The following NBPF20 variants were observed in gnomAD, a reference collection of about 807,000 sequenced individuals.
NBPF20 encodes the protein NBPF member 20.
NBPF20 carries 90 observed loss-of-function variants against 68.1 expected under a neutral mutation model. The observed-to-expected ratio is 1.32, with a 90% CI of 1.11 to 1.58. NBPF20 has a LOEUF of 1.58. Ranked by LOEUF, NBPF20 falls within the 40% of genes most tolerant of loss-of-function variation. The pLI is 0.00. For missense variants in NBPF20, 816 were observed against 601.2 expected (o/e 1.36, Z -3.74); for synonymous variants, 290 against 228.1 (o/e 1.27, Z -2.45).
At chr1:145,403,394 C>T in intron 2 of NBPF20, 76 bp from the exon 8 acceptor site, 1 of 1,143,994 alleles carries the variant, frequency 8.7e-7, no homozygotes, top group Non-Finnish European at 1.3e-6. Context: ...AGGGCAGGAG[C>T]CAGGTCCATC....
At chr1:145,421,813 G>A in the NBPF20 span, among the ~76,000 whole-genome samples, 1 of 152,070 alleles carries the variant, frequency 6.6e-6, no homozygotes, top group African/African-American at 2.4e-5. Context: ...TGCCAAGGTG[G>A]GAGGATCATT....
At chr1:145,404,746 C>T (rs1306638708) in intron 2 of NBPF20, among the ~76,000 whole-genome samples, 1 of 152,042 alleles carries the variant, frequency 6.6e-6, no homozygotes, top group African/African-American at 2.4e-5. Context: ...TAGTCCTAGA[C>T]ATTTAGAACA....
intron 7 of NBPF20, among the ~76,000 whole-genome samples, chr1:145,395,559 T>G (rs1662187908): frequency 1.3e-5 from 2 of 149,090 alleles, no homozygotes; most frequent in Admixed American, 1.3e-4. Flanking sequence ...TTCCCAATAT[T>G]TTGATATAAT....
At chr1:145,394,090 T>C (rs1397727700) in intron 8 of NBPF20, among the ~76,000 whole-genome samples, 155 bp from the exon 14 acceptor site, 4 of 151,954 alleles carry the variant, frequency 2.6e-5, no homozygotes, top group African/African-American at 7.3e-5. Flanking sequence ...TGAGGTCAAG[T>C]CTTGAGAAAA....
At chr1:145,377,921 T>G (rs1231765034) in intron 29 of NBPF20, 122 bp downstream of exon 34, 2 of 384,210 alleles carry the variant, frequency 5.2e-6, no homozygotes, top group Admixed American at 5.4e-5. Context: ...CCAACAGCAA[T>G]GTCAGGAGGA....
At chr1:145,393,079 A>C (rs1218337672) in exon 10 of NBPF20, 1 of 568,454 alleles carries the variant, frequency 1.8e-6, no homozygotes. Flanking sequence ...CTCACCATCC[A>C]TGTCAACAGC....
At chr1:145,291,520 G>A (rs782208382) in exon 138 of NBPF20, 26 of 1,611,866 alleles carry the variant, frequency 1.6e-5, no homozygotes, top group East Asian at 2.2e-5. Context: ...GCTTAGTAAG[G>A]GCTGTTTATT....
Position 145,395,058 on chromosome 1 carries a change from A to C in NBPF20, c.911T>G (p.Met304Arg), listed in dbSNP as rs1402776346. 2.4e-3 allele frequency: 3,848 copies of C among 1,611,156 alleles called. 15 individuals carry two copies. In the African/African-American group the frequency reaches 0.043, roughly 18 times the overall value. Residue 304 changes from methionine to arginine, a missense_variant, in exon 8 of 138, where the codon ATG becomes AGG. Physicochemically the swap from Met to Arg is moderately conservative, Grantham distance 91. Transcript: ENST00000369373. ...GCTGTAAGACTGGTACGAGGCCAAC[A>C]TTTCAGGAGGAATTGAGAGAGTCGA...
chr1:145,393,676 A>C, intron 9 of NBPF20: 1 of 1,382,298 alleles, frequency 7.2e-7, no homozygotes, highest in Non-Finnish European at 9.8e-7. Context: ...GTTATGGTCA[A>C]CTTTCACTAG....
exon 138 of NBPF20, chr1:145,291,411 C>T (rs1440330365): frequency 5.0e-6 from 8 of 1,603,800 alleles, no homozygotes; most frequent in East Asian, 2.2e-5. Context: ...ACAGCCATGC[C>T]CACTGACCCA....
chr1:145,406,181 G>C (rs587729237), upstream of NBPF20, among the ~76,000 whole-genome samples: 1 of 147,572 alleles, frequency 6.8e-6, no homozygotes, highest in Non-Finnish European at 1.5e-5. Flanking sequence ...GTGATCTGCC[G>C]CCTCGGCCTC....
chr1:145,410,252 T>A (rs1190269474), upstream of NBPF20, among the ~76,000 whole-genome samples: 3 of 151,954 alleles, frequency 2.0e-5, no homozygotes, highest in Non-Finnish European at 4.4e-5. Flanking sequence ...TTGCACTGAT[T>A]GATCTCCCTG....
intron 7 of NBPF20, among the ~76,000 whole-genome samples, chr1:145,396,642 G>T (rs1321219486): frequency 6.6e-5 from 10 of 151,604 alleles, no homozygotes; most frequent in African/African-American, 2.4e-4. Context: ...CATCAGACTA[G>T]CAGCAGATCT....
chr1:145,425,256 C>G, the NBPF20 span, among the ~76,000 whole-genome samples: 2 of 149,322 alleles, frequency 1.3e-5, no homozygotes, highest in African/African-American at 4.9e-5. Flanking sequence ...CGCCCTCCGT[C>G]GCTCGCAACA....
At chr1:145,416,130 T>C in the NBPF20 span, among the ~76,000 whole-genome samples, 2 of 149,390 alleles carry the variant, frequency 1.3e-5, no homozygotes, top group Non-Finnish European at 3.0e-5. Context: ...TAACTCCATC[T>C]CCAAAAAAAA....
chr1:145,292,009 T>C (rs183551436), intron 137 of NBPF20, among the ~76,000 whole-genome samples: 2 of 149,594 alleles, frequency 1.3e-5, no homozygotes, highest in South Asian at 2.1e-4. Flanking sequence ...AGTGACCTAG[T>C]GAATTGCCCA....
intron 8 of NBPF20, among the ~76,000 whole-genome samples, chr1:145,394,625 G>A (rs1279857764): frequency 2.0e-5 from 3 of 152,150 alleles, no homozygotes; most frequent in Admixed American, 6.5e-5. Flanking sequence ...AAGGAATTTT[G>A]TAGCTGGCAA....
intron 7 of NBPF20, among the ~76,000 whole-genome samples, chr1:145,397,608 C>T (rs1374083076): frequency 1.3e-5 from 2 of 152,236 alleles, no homozygotes; most frequent in East Asian, 1.9e-4. Flanking sequence ...AAGGAACAAC[C>T]GGTACCAGCC....
chr1:145,352,301 A>T (rs2101485173), intron 61 of NBPF20, among the ~76,000 whole-genome samples: 2 of 90,852 alleles, frequency 2.2e-5, no homozygotes, highest in Non-Finnish European at 4.8e-5. Context: ...ACACACACAC[A>T]CACACACACA....
Sources: gnomAD v4.1 joint callset for allele counts (sites outside exome capture counted in the v4.1 genomes callset) on GRCh38, gnomAD v4.1.1 for gene constraint, MANE v1.5 for transcripts, NCBI Gene and HGNC (gene_info 2026-07-23, HGNC 2026-07-21) for gene names.